The following CDC42BPB variants were observed in gnomAD, a reference collection of about 807,000 sequenced individuals.
CDC42BPB encodes CDC42 binding protein kinase beta, also known as serine/threonine-protein kinase MRCK beta.
A neutral mutation model predicts 214.9 loss-of-function variants in CDC42BPB; 37 were observed. The observed-to-expected ratio is 0.17, with a 90% CI of 0.13 to 0.23. CDC42BPB has a LOEUF of 0.23. Among genes scored for constraint, CDC42BPB ranks in the 10% least tolerant of loss-of-function variants. The probability of loss-of-function intolerance (pLI) is 1.00; values close to 1 mark genes in which losing one functional copy is unlikely to be tolerated. For synonymous variants in CDC42BPB, 931 were observed against 884.0 expected (o/e 1.05, Z -0.94); for missense variants, 1,694 against 2,227.0 (o/e 0.76, Z 4.82).
intron 32 of CDC42BPB, 35 bp downstream of exon 32, chr14:102,940,011 C>T (rs747961677): frequency 7.4e-6 from 12 of 1,613,882 alleles, no homozygotes; most frequent in Non-Finnish European, 1.0e-5. Context: ...CTCCAACTTC[C>T]CTTCCCTCCA....
intron 35 of CDC42BPB, 41 bp downstream of exon 35, chr14:102,938,265 C>G: frequency 1.3e-6 from 2 of 1,599,702 alleles, no homozygotes; most frequent in South Asian, 2.3e-5. Context: ...CCCCTACCCC[C>G]CACCTCCCCC....
rs1390267328 is a variant in CDC42BPB, at chr14:103,036,388, C to G, written c.175+20611G>C. 2.0e-5 allele frequency among the ~76,000 whole-genome samples: 3 copies of G among 152,004 alleles called. No individual in the cohort carries two copies. In the East Asian group the frequency reaches 5.8e-4, roughly 29 times the overall value. ...GCCAGGATGGTCTCGATCTCCTGAC[C>G]TCGTGATCCACCTGCCTCGGCCTCC... On this transcript the variant is annotated intron_variant, in intron 1 of 36. Coordinates refer to ENST00000361246, the MANE Select transcript of CDC42BPB (RefSeq NM_006035.4).
At chr14:102,966,069 G>GT (rs1893188074) in intron 18 of CDC42BPB, among the ~76,000 whole-genome samples, 1 of 152,222 alleles carries the variant, frequency 6.6e-6, no homozygotes, top group Non-Finnish European at 1.5e-5. Flanking sequence ...TCAGTGCTCA[G>GT]TAATTATTTG....
intron 8 of CDC42BPB, among the ~76,000 whole-genome samples, chr14:102,978,973 T>C (rs1893880425): frequency 6.6e-6 from 1 of 152,180 alleles, no homozygotes; most frequent in African/African-American, 2.4e-5. Context: ...TATCACTGTA[T>C]TCCAGCCTGG....
chr14:102,966,477 C>A (rs1486398633), intron 17 of CDC42BPB, 90 bp from the exon 18 acceptor site: 6 of 1,542,880 alleles, frequency 3.9e-6, no homozygotes, highest in Non-Finnish European at 4.4e-6. Context: ...TTCCTCGGCA[C>A]ACAGTGACAC....
chr14:103,042,468 G>A (rs1167057841), intron 1 of CDC42BPB, among the ~76,000 whole-genome samples: 1 of 152,098 alleles, frequency 6.6e-6, no homozygotes, highest in East Asian at 1.9e-4. Flanking sequence ...CTGCCACCAT[G>A]CCTGGATAAT....
At chr14:102,976,242 T>TC in intron 9 of CDC42BPB, 193 bp from the exon 10 acceptor site, 1 of 983,178 alleles carries the variant, frequency 1.0e-6, no homozygotes, top group South Asian at 4.7e-5. Flanking sequence ...ACAAGGGCCC[T>TC]CCCCATCGCT....
rs751790723 is a variant in CDC42BPB, at chr14:102,943,304, C to T, written c.4408+587G>A. On this transcript the variant is annotated intron_variant, in intron 30 of 36. Coordinates refer to ENST00000361246, the MANE Select transcript of CDC42BPB (RefSeq NM_006035.4). The surrounding 1 kb of genome is among the most constrained non-coding windows in gnomAD (Gnocchi z 4.6). ...TAAGGTTTTAAAAGCAATCGGACAG[C>T]GGGCCAGTCGGGAAGTGTCCACTGG... Among the ~76,000 whole-genome samples the T allele has an allele frequency of 5.3e-5, 8 of 152,182 alleles. No homozygotes were observed. Among genetic ancestry groups the T allele is most frequent in the Admixed American group, 4.6e-4 (7 of 15,284 alleles).
Position 102,943,754 on chromosome 14 carries a change from A to C in CDC42BPB, c.4408+137T>G. On this transcript the variant is annotated intron_variant, in intron 30 of 36. Transcript: ENST00000361246. The surrounding 1 kb of genome is among the most constrained non-coding windows in gnomAD (Gnocchi z 4.6). ...ACCATGCTCTCTGCTGCGGGCTGGC[A>C]TGGGGCCCACCTCTCCCGATGCTCT... 1.3e-6 allele frequency: 1 copy of C among 745,284 alleles called. No homozygotes were observed. Among genetic ancestry groups the C allele is most frequent in the South Asian group, 1.9e-5 (1 of 53,558 alleles). 46.2% of individuals were successfully genotyped at this position (745,284 alleles called of 1,614,324 possible). A position where few individuals can be genotyped will look rare whatever the true frequency, so the allele number is the denominator to read the frequency against.
intron 1 of CDC42BPB, among the ~76,000 whole-genome samples, chr14:103,039,877 T>C (rs1887889811): frequency 6.6e-6 from 1 of 152,128 alleles, no homozygotes; most frequent in African/African-American, 2.4e-5. Flanking sequence ...TGATTTTTTA[T>C]GTAAAAATTC....
chr14:102,968,162 C>T, intron 16 of CDC42BPB, 91 bp downstream of exon 16: 3 of 822,718 alleles, frequency 3.6e-6, no homozygotes, highest in Non-Finnish European at 6.0e-6. Context: ...AATATATATA[C>T]CTACTATGTA....
chr14:103,005,762 G>A (rs139003256), intron 3 of CDC42BPB, among the ~76,000 whole-genome samples: 14 of 151,270 alleles, frequency 9.3e-5, no homozygotes, highest in African/African-American at 2.9e-4. Context: ...TGGCTCACGC[G>A]TGTAATCCCA....
chr14:103,017,017 T>C (rs1390393617), intron 1 of CDC42BPB, among the ~76,000 whole-genome samples: 3 of 152,014 alleles, frequency 2.0e-5, no homozygotes, highest in Admixed American at 2.0e-4. Flanking sequence ...CAGTCACAGA[T>C]CATAATCTAT....
At chr14:103,018,839 C>CATGGGG (rs1335811220) in intron 1 of CDC42BPB, among the ~76,000 whole-genome samples, 7 of 152,308 alleles carry the variant, frequency 4.6e-5, no homozygotes, top group Admixed American at 2.0e-4. Flanking sequence ...CACCAGCTTC[C>CATGGGG]ATGGGGATGG....
At chr14:103,005,155 G>A (rs1486385187) in intron 3 of CDC42BPB, among the ~76,000 whole-genome samples, 2 of 146,386 alleles carry the variant, frequency 1.4e-5, no homozygotes, top group South Asian at 2.3e-4. Context: ...GCGACAAAGC[G>A]AGACTCTGTC....
chr14:102,965,938 C>A (rs1893181434), intron 18 of CDC42BPB, among the ~76,000 whole-genome samples: 1 of 151,932 alleles, frequency 6.6e-6, no homozygotes. Context: ...GCCTGGGCAA[C>A]AGAGTGAGAC....
chr14:103,043,942 C>G (rs1156670574), intron 1 of CDC42BPB, among the ~76,000 whole-genome samples: 1 of 152,084 alleles, frequency 6.6e-6, no homozygotes, highest in African/African-American at 2.4e-5. Flanking sequence ...TTACATAAAA[C>G]CATGTCAATG....
chr14:102,940,133 G>C lies in CDC42BPB; in HGVS notation c.4507-3C>G, dbSNP rs1177618253. ...CCTTCAGAGTTCAGGGGCCTTATCTGGATTGGAAACCAGGGAGGGACAGTA... is the reference window on the plus strand; with the variant it reads ...CCTTCAGAGTTCAGGGGCCTTATCTCGATTGGAAACCAGGGAGGGACAGTA... On this transcript the variant is annotated splice_polypyrimidine_tract_variant and splice_region_variant and intron_variant, in intron 31 of 36. Transcript: ENST00000361246. 6.2e-7 allele frequency: 1 copy of C among 1,613,926 alleles called. No individual in the cohort carries two copies. Among genetic ancestry groups the C allele is most frequent in the Non-Finnish European group, 8.5e-7 (1 of 1,180,048 alleles).
intron 1 of CDC42BPB, among the ~76,000 whole-genome samples, chr14:103,026,598 T>C (rs1887067232): frequency 6.6e-6 from 1 of 152,072 alleles, no homozygotes; most frequent in Admixed American, 6.6e-5. Context: ...CATGGGTGGC[T>C]CACACCTGTA....
Sources: gnomAD v4.1 joint callset for allele counts (sites outside exome capture counted in the v4.1 genomes callset) on GRCh38, gnomAD v4.1.1 for gene constraint, Gnocchi (gnomAD v3.1) non-coding constraint, MANE v1.5 for transcripts, NCBI Gene and HGNC (gene_info 2026-07-23, HGNC 2026-07-21) for gene names.